Variants in PTPN13 observed in about 807,000 individuals in gnomAD.
The protein encoded by PTPN13 is protein tyrosine phosphatase non-receptor type 13.
A neutral mutation model predicts 284.0 loss-of-function variants in PTPN13; 191 were observed. The observed-to-expected ratio is 0.67, with a 90% CI of 0.60 to 0.76. The LOEUF (loss-of-function observed/expected upper bound fraction) is 0.76, where lower values mean the gene tolerates loss of function less well. PTPN13 is among the 30% of genes least tolerant of loss of function. PTPN13 has a pLI of 0.00. For missense variants in PTPN13, 2,797 were observed against 2,939.9 expected (o/e 0.95, Z 1.12); for synonymous variants, 986 against 1,022.3 (o/e 0.96, Z 0.68).
rs548276659 is a variant in PTPN13 at position 86,791,561 on chromosome 4, T to C, written c.6346-5313T>C. Among the ~76,000 whole-genome samples, 5 of 152,342 alleles carry C rather than the reference T, an allele frequency of 3.3e-5. No homozygotes were observed. In the South Asian group the frequency reaches 1.0e-3, roughly 32 times the overall value. ...CAGACTGCCTCCTCAAGTGGGTCCC[T>C]GATCCCCGTGTAGCCTGACTGGGAG... On this transcript the variant is annotated intron_variant, in intron 40 of 47. Transcript: ENST00000411767.
At chr4:86,630,505 T>TA (rs1158557101) in intron 1 of PTPN13, among the ~76,000 whole-genome samples, 2 of 152,196 alleles carry the variant, frequency 1.3e-5, no homozygotes, top group Non-Finnish European at 2.9e-5. Context: ...TTTTAAAAAA[T>TA]ACTAATATAT....
intron 25 of PTPN13, 112 bp from the exon 26 acceptor site, chr4:86,765,283 T>C (rs1212630900): frequency 1.4e-6 from 1 of 708,014 alleles, no homozygotes; most frequent in South Asian, 1.8e-5. Context: ...CATCAGCACA[T>C]GCTGATGGGA....
intron 12 of PTPN13, 103 bp from the exon 13 acceptor site, chr4:86,734,200 T>C (rs1735245318): frequency 2.2e-6 from 2 of 912,114 alleles, no homozygotes; most frequent in South Asian, 2.1e-5. Flanking sequence ...TATATTCTCA[T>C]ATGATACTCT....
At chr4:86,724,817 CT>C (rs113377197) in intron 10 of PTPN13, among the ~76,000 whole-genome samples, 38 of 147,960 alleles carry the variant, frequency 2.6e-4, no homozygotes, top group African/African-American at 6.7e-4. Context: ...CACTTTCATT[CT>C]TTTTTTTTTA....
chr4:86,776,426 C>G (rs1021014875), intron 35 of PTPN13, among the ~76,000 whole-genome samples: 2 of 152,210 alleles, frequency 1.3e-5, no homozygotes, highest in Non-Finnish European at 2.9e-5. Flanking sequence ...CACATCACAT[C>G]ACCTAGAGCA....
At chr4:86,640,034 G>T (rs1490138446) in intron 2 of PTPN13, among the ~76,000 whole-genome samples, 1 of 152,158 alleles carries the variant, frequency 6.6e-6, no homozygotes, top group Non-Finnish European at 1.5e-5. Context: ...TACTGATTGA[G>T]TACAGGAAGG....
chr4:86,671,250 T>A (rs554042860), intron 2 of PTPN13, among the ~76,000 whole-genome samples: 5 of 152,316 alleles, frequency 3.3e-5, no homozygotes, highest in East Asian at 1.9e-4. Flanking sequence ...TTAAAAAAAA[T>A]TCAGTTCTGG....
At chr4:86,789,564 G>A (rs550807740) in intron 40 of PTPN13, among the ~76,000 whole-genome samples, 5 of 152,238 alleles carry the variant, frequency 3.3e-5, no homozygotes, top group African/African-American at 4.8e-5. Context: ...TAGGTAGTTC[G>A]TCCTAGATCA....
intron 2 of PTPN13, among the ~76,000 whole-genome samples, chr4:86,670,659 T>C (rs970739929): frequency 2.0e-5 from 3 of 152,176 alleles, no homozygotes; most frequent in Non-Finnish European, 4.4e-5. Flanking sequence ...TAGTGTTTGT[T>C]CCCCTTAGTT....
intron 7 of PTPN13, among the ~76,000 whole-genome samples, chr4:86,709,338 T>G (rs973832868): frequency 2.0e-5 from 3 of 152,150 alleles, no homozygotes; most frequent in Non-Finnish European, 2.9e-5. Flanking sequence ...TTGTCTTTCC[T>G]CGTACAGACC....
chr4:86,770,267 T>G, intron 30 of PTPN13, 68 bp downstream of exon 30: 2 of 1,376,696 alleles, frequency 1.5e-6, no homozygotes, highest in Non-Finnish European at 2.0e-6. Flanking sequence ...AATTCAGCTG[T>G]GGTGGTTTCA....
At chr4:86,672,833 G>T (rs1291109331) in intron 3 of PTPN13, among the ~76,000 whole-genome samples, 1 of 152,174 alleles carries the variant, frequency 6.6e-6, no homozygotes, top group Admixed American at 6.5e-5. Context: ...GAAATAACTG[G>T]AAAGTTGACC....
intron 17 of PTPN13, among the ~76,000 whole-genome samples, chr4:86,745,430 C>G (rs935520777): frequency 1.3e-5 from 2 of 152,024 alleles, no homozygotes; most frequent in African/African-American, 2.4e-5. Flanking sequence ...TAAGCTTATC[C>G]AATATTTGGA....
At chr4:86,740,195 G>C (rs191393325) in intron 15 of PTPN13, among the ~76,000 whole-genome samples, 39 of 152,328 alleles carry the variant, frequency 2.6e-4, no homozygotes, top group African/African-American at 9.1e-4. Flanking sequence ...TTGGCACTCT[G>C]TGTGCAGGCT....
chr4:86,810,499 A>G (rs1745112117), intron 46 of PTPN13, among the ~76,000 whole-genome samples: 1 of 152,316 alleles, frequency 6.6e-6, no homozygotes, highest in African/African-American at 2.4e-5. Context: ...AACTCAAATT[A>G]ATATAAACCT....
chr4:86,683,437 A>C (rs1435945296), intron 3 of PTPN13, among the ~76,000 whole-genome samples: 5 of 152,236 alleles, frequency 3.3e-5, no homozygotes, highest in Non-Finnish European at 7.3e-5. Flanking sequence ...AAGGCAGTTA[A>C]GTAGAAAGAA....
chr4:86,620,878 C>G (rs181243515), intron 1 of PTPN13, among the ~76,000 whole-genome samples: 15 of 152,286 alleles, frequency 9.8e-5, no homozygotes, highest in Middle Eastern at 3.4e-3. Flanking sequence ...ACGATTATTC[C>G]TGCTGTTTCC....
chr4:86,710,980 G>A (rs1247035584), intron 7 of PTPN13, among the ~76,000 whole-genome samples: 2 of 151,680 alleles, frequency 1.3e-5, no homozygotes, highest in African/African-American at 4.8e-5. Flanking sequence ...GCTAGGTGCA[G>A]TGGCATCGTC....
At chr4:86,651,631 G>C (rs1046723272) in intron 2 of PTPN13, among the ~76,000 whole-genome samples, 1 of 152,226 alleles carries the variant, frequency 6.6e-6, no homozygotes, top group Middle Eastern at 3.4e-3. Flanking sequence ...TTTGATGGGA[G>C]ACTTTTTATT....
Sources: allele counts gnomAD v4.1 joint callset (sites outside exome capture counted in the v4.1 genomes callset), GRCh38; gene constraint gnomAD v4.1.1; transcripts MANE v1.5; gene names NCBI Gene and HGNC (gene_info 2026-07-23, HGNC 2026-07-21).